The following FAM107B variants were observed in gnomAD, a reference collection of about 807,000 sequenced individuals.
FAM107B encodes protein FAM107B.
Under a neutral mutation model 31.5 loss-of-function variants are expected in FAM107B, and 21 were observed. The observed-to-expected ratio is 0.67, with a 90% CI of 0.47 to 0.96. FAM107B has a LOEUF of 0.96. Ranked by LOEUF, FAM107B falls within the 40% of genes least tolerant of loss-of-function variation. FAM107B has a pLI of 0.00. For missense variants in FAM107B, 452 were observed against 377.1 expected, an observed-to-expected ratio of 1.20 and a Z score of -1.64; for synonymous variants, 157 against 141.5, an observed-to-expected ratio of 1.11 and a Z score of -0.78.
intron 2 of FAM107B, among the ~76,000 whole-genome samples, chr10:14,617,101 C>G (rs942970139): frequency 2.0e-5 from 3 of 151,662 alleles, no homozygotes; most frequent in Non-Finnish European, 4.4e-5. Context: ...AAGAATGCAG[C>G]AGGAGTGAAG....
At chr10:14,576,553 A>AACAAC (rs1564582586) in intron 2 of FAM107B, among the ~76,000 whole-genome samples, 2 of 105,830 alleles carry the variant, frequency 1.9e-5, no homozygotes, top group African/African-American at 6.3e-5. Flanking sequence ...ACAACAACAA[A>AACAAC]AAGCCACTGA....
At chr10:14,657,157 A>G (rs1295372091) in intron 2 of FAM107B, among the ~76,000 whole-genome samples, 3 of 152,242 alleles carry the variant, frequency 2.0e-5, no homozygotes, top group African/African-American at 7.2e-5. Flanking sequence ...TATGAACAAT[A>G]AATGATCTGT....
In FAM107B at chr10:14,521,320, A is replaced by AGCTT; in HGVS notation, c.805-15_805-14insAAGC. On this transcript the variant is annotated splice_polypyrimidine_tract_variant and intron_variant, in intron 4 of 4. Transcript: ENST00000181796. ...CTCAAGTTCAAGCTAAATGACATTC[A>AGCTT]GAAAAGGAAAAATTATTTACAAACC... The AGCTT allele has an allele frequency of 1.9e-6, 3 of 1,604,912 alleles. No individual in the cohort carries two copies. Among genetic ancestry groups the AGCTT allele is most frequent in the Non-Finnish European group, 2.6e-6 (3 of 1,172,772 alleles).
At chr10:14,625,862 ATGG>A (rs1853147154) in intron 2 of FAM107B, among the ~76,000 whole-genome samples, 1 of 119,316 alleles carries the variant, frequency 8.4e-6, no homozygotes, top group East Asian at 2.1e-4. Flanking sequence ...GCAGCTGCTC[ATGG>A]ATTAAAAAAA....
chr10:14,684,174 A>G (rs1339771335), intron 1 of FAM107B, among the ~76,000 whole-genome samples: 2 of 152,180 alleles, frequency 1.3e-5, no homozygotes, highest in Non-Finnish European at 2.9e-5. Flanking sequence ...AACAATGGCT[A>G]GGCACAGTGG....
At chr10:14,712,895 G>A (rs1855685700) in intron 1 of FAM107B, among the ~76,000 whole-genome samples, 1 of 152,226 alleles carries the variant, frequency 6.6e-6, no homozygotes, top group East Asian at 1.9e-4. Flanking sequence ...TTTCCTTGAT[G>A]GTGACTGAGA....
intron 1 of FAM107B, among the ~76,000 whole-genome samples, chr10:14,714,037 G>A (rs748615282): frequency 5.9e-5 from 9 of 152,156 alleles, no homozygotes; most frequent in Non-Finnish European, 1.0e-4. Flanking sequence ...TGAGAGTGGA[G>A]GGTGGGAGGA....
chr10:14,638,766 G>T (rs1853561873), intron 2 of FAM107B, among the ~76,000 whole-genome samples: 1 of 152,020 alleles, frequency 6.6e-6, no homozygotes, highest in South Asian at 2.1e-4. Context: ...TATCCCCCTA[G>T]TTTAGGCTCT....
intron 1 of FAM107B, among the ~76,000 whole-genome samples, chr10:14,684,658 A>C (rs2131499583): frequency 6.6e-6 from 1 of 152,224 alleles, no homozygotes; most frequent in East Asian, 1.9e-4. Flanking sequence ...TGAATGATAG[A>C]ATGTGATAGA....
At chr10:14,737,756 C>T (rs1426716493) in intron 1 of FAM107B, among the ~76,000 whole-genome samples, 1 of 146,440 alleles carries the variant, frequency 6.8e-6, no homozygotes, top group African/African-American at 2.5e-5. Context: ...CAGTGCTGTG[C>T]GTGCACGCTT....
At chr10:14,540,280 G>T (rs1016218457) in intron 2 of FAM107B, among the ~76,000 whole-genome samples, 13 of 152,200 alleles carry the variant, frequency 8.5e-5, no homozygotes, top group African/African-American at 3.1e-4. Flanking sequence ...GTTTTTTCTG[G>T]TAAGAAGTGC....
intron 2 of FAM107B, among the ~76,000 whole-genome samples, chr10:14,633,070 A>T (rs1053465814): frequency 6.6e-6 from 1 of 151,884 alleles, no homozygotes; most frequent in Non-Finnish European, 1.5e-5. Flanking sequence ...GTAGTGGTGC[A>T]TGCCTGTAAT....
chr10:14,564,321 T>C (rs1588599241), intron 2 of FAM107B, among the ~76,000 whole-genome samples: 1 of 152,034 alleles, frequency 6.6e-6, no homozygotes, highest in African/African-American at 2.4e-5. Context: ...CTTTCTTGGG[T>C]AGAATTCTTC....
intron 2 of FAM107B, among the ~76,000 whole-genome samples, chr10:14,609,155 C>G (rs1852666419): frequency 6.6e-6 from 1 of 152,184 alleles, no homozygotes; most frequent in South Asian, 2.1e-4. Flanking sequence ...GACTATAATG[C>G]AACTAAGGTG....
chr10:14,644,674 C>T (rs1296025527), intron 2 of FAM107B, among the ~76,000 whole-genome samples: 1 of 152,202 alleles, frequency 6.6e-6, no homozygotes, highest in Non-Finnish European at 1.5e-5. Flanking sequence ...TCTGTCCCAT[C>T]CTATGGCAAG....
intron 1 of FAM107B, among the ~76,000 whole-genome samples, chr10:14,740,681 GA>G (rs1856416261): frequency 6.6e-6 from 1 of 152,134 alleles, no homozygotes; most frequent in Non-Finnish European, 1.5e-5. Flanking sequence ...TAAAAATAGG[GA>G]AAACTGTGTG....
chr10:14,634,221 C>T (rs1305188007), intron 2 of FAM107B, among the ~76,000 whole-genome samples: 2 of 151,812 alleles, frequency 1.3e-5, no homozygotes, highest in Non-Finnish European at 2.9e-5. Flanking sequence ...ACGGTGAAAC[C>T]CCGTCTCTAC....
intron 1 of FAM107B, among the ~76,000 whole-genome samples, chr10:14,762,456 C>G (rs2609817): frequency 0.18 from 27,607 of 151,892 alleles, 3,559 homozygotes; most frequent in African/African-American, 0.36. Flanking sequence ...CTTGTGAGAA[C>G]AACAGTATTC....
intron 2 of FAM107B, among the ~76,000 whole-genome samples, chr10:14,635,851 T>G (rs981325389): frequency 1.2e-4 from 19 of 152,040 alleles, no homozygotes; most frequent in African/African-American, 4.6e-4. Flanking sequence ...AGGATGGTCT[T>G]GAACTCCTGA....
Sources: gnomAD v4.1 joint callset for allele counts (sites outside exome capture counted in the v4.1 genomes callset) on GRCh38, gnomAD v4.1.1 for gene constraint, MANE v1.5 for transcripts, NCBI Gene and HGNC (gene_info 2026-07-23, HGNC 2026-07-21) for gene names.